The following ITGA4 variants were observed in gnomAD, a reference collection of about 807,000 sequenced individuals.
ITGA4 encodes the protein integrin subunit alpha 4, also known as integrin alpha-4.
Under a neutral mutation model 133.6 loss-of-function variants are expected in ITGA4, and 63 were observed. The ratio of observed to expected loss-of-function variants is 0.47; its 90% CI spans 0.38 to 0.58. The LOEUF (loss-of-function observed/expected upper bound fraction) is 0.58, where lower values mean the gene tolerates loss of function less well. Ranked by LOEUF, ITGA4 falls within the 20% of genes least tolerant of loss-of-function variation. The pLI is 0.00. For missense variants in ITGA4, 1,076 were observed against 1,252.7 expected, an observed-to-expected ratio of 0.86 and a Z score of 2.13; for synonymous variants, 483 against 438.0, an observed-to-expected ratio of 1.10 and a Z score of -1.28.
chr2:181,495,755 A>G lies in ITGA4; in HGVS notation c.1386-28A>G. The G allele has an allele frequency of 6.3e-7, 1 of 1,588,518 alleles. No homozygotes were observed. The highest frequency in any genetic ancestry group is 1.1e-5 in the South Asian group (1 of 87,578). The stretch of plus-strand genomic sequence containing the variant: ...CTTAAGGAAAAATAATTCTGCAATT[A>G]ACATTGCTACTTTTATTTCCTTCTC... On this transcript the variant is annotated intron_variant, in intron 13 of 27. Coordinates refer to ENST00000397033, the MANE Select transcript of ITGA4 (RefSeq NM_000885.6). The surrounding 1 kb of genome is among the most constrained non-coding windows in gnomAD (Gnocchi z 4.3).
At chr2:181,504,810 G>C (rs151097376) in intron 15 of ITGA4, among the ~76,000 whole-genome samples, 1 of 151,902 alleles carries the variant, frequency 6.6e-6, no homozygotes, top group African/African-American at 2.4e-5. Context: ...ATCTGAGAAT[G>C]TTCTATTGGT....
chr2:181,461,772 G>C (rs972681202), intron 2 of ITGA4, among the ~76,000 whole-genome samples: 1 of 152,036 alleles, frequency 6.6e-6, no homozygotes, highest in Non-Finnish European at 1.5e-5. Flanking sequence ...TCTCATTTGG[G>C]TAATAGTCTA....
At position 181,516,563 on chromosome 2, in the gene ITGA4, T is replaced by C. The variant is rs1407390429; in HGVS notation, c.1922+4788T>C. Among the ~76,000 whole-genome samples, 1 of 152,046 alleles carries C rather than the reference T, an allele frequency of 6.6e-6. No homozygotes were observed. The highest frequency in any genetic ancestry group is 1.5e-5 in the Non-Finnish European group (1 of 68,002). Reference sequence around the variant, plus strand: ...AGGAAGGGCAGTGCCTCATTTGATGTATTCTGATTAACCAGACGTGTGTTA... The same window carrying C: ...AGGAAGGGCAGTGCCTCATTTGATGCATTCTGATTAACCAGACGTGTGTTA... On this transcript the variant is annotated intron_variant, in intron 17 of 27. Coordinates refer to ENST00000397033, the MANE Select transcript of ITGA4 (RefSeq NM_000885.6). The surrounding 1 kb of genome is among the most constrained non-coding windows in gnomAD (Gnocchi z 4.0).
At chr2:181,457,924 C>T (rs1685167455) in intron 1 of ITGA4, 73 bp downstream of exon 1, 5 of 1,389,204 alleles carry the variant, frequency 3.6e-6, no homozygotes, top group East Asian at 2.4e-5. Flanking sequence ...GGATTCCCTG[C>T]CCGATTCAAA....
chr2:181,537,880 G>A lies in ITGA4; in HGVS notation c.*2353G>A, dbSNP rs1215754515. ...TTTGGCCACACAGCAGGAGGTTAGA[G>A]CAATGGAGCATTACTGAGTTCCTCC... On this transcript the variant is annotated 3_prime_UTR_variant, in exon 28 of 28. Coordinates refer to ENST00000397033, the MANE Select transcript of ITGA4 (RefSeq NM_000885.6). The A allele has an allele frequency of 1.8e-6, 1 of 541,228 alleles. No individual in the cohort carries two copies. The highest frequency in any genetic ancestry group is 1.5e-5 in the South Asian group (1 of 65,274). 33.5% of individuals were successfully genotyped at this position (541,228 alleles called of 1,614,324 possible).
At chr2:181,499,506 A>C (rs1252204932) in intron 15 of ITGA4, among the ~76,000 whole-genome samples, 1 of 152,180 alleles carries the variant, frequency 6.6e-6, no homozygotes, top group Non-Finnish European at 1.5e-5. Flanking sequence ...AAACCAAACT[A>C]TTCCCAGGAG....
chr2:181,490,409 C>T (rs1026239318), intron 10 of ITGA4, among the ~76,000 whole-genome samples: 2 of 151,506 alleles, frequency 1.3e-5, no homozygotes, highest in Non-Finnish European at 2.9e-5. Flanking sequence ...AAGATAATGA[C>T]ATCCCCCACC....
chr2:181,519,736 A>G (rs1686681076), intron 17 of ITGA4, among the ~76,000 whole-genome samples: 1 of 152,146 alleles, frequency 6.6e-6, no homozygotes, highest in Non-Finnish European at 1.5e-5. Flanking sequence ...CAATGTGGTA[A>G]TGCTAGATAT....
At chr2:181,471,011 G>A (rs973207242) in intron 2 of ITGA4, among the ~76,000 whole-genome samples, 1 of 152,164 alleles carries the variant, frequency 6.6e-6, no homozygotes, top group Non-Finnish European at 1.5e-5. Context: ...ATTGCTGTTG[G>A]GGGCTGCCTC....
At chr2:181,527,994 T>C (rs752665398) in intron 22 of ITGA4, among the ~76,000 whole-genome samples, 10 of 152,246 alleles carry the variant, frequency 6.6e-5, no homozygotes, top group Admixed American at 6.5e-5. Context: ...ATATTTTTAT[T>C]GTATCAAAGA....
chr2:181,478,750 A>G lies in ITGA4; in HGVS notation c.557-7A>G, dbSNP rs1214872559. 4 of 1,313,790 alleles carry G rather than the reference A, an allele frequency of 3.0e-6. No homozygotes were observed. Among genetic ancestry groups the G allele is most frequent in the Admixed American group, 2.2e-5 (1 of 45,158 alleles). The allele number at this position is 1,313,790 out of a possible 1,614,324, so 81.4% of individuals were successfully genotyped here. On this transcript the variant is annotated splice_region_variant and splice_polypyrimidine_tract_variant and intron_variant, in intron 4 of 27. Coordinates refer to ENST00000397033, the MANE Select transcript of ITGA4 (RefSeq NM_000885.6). ...AAATTCTGAGTTGTTTTAATATTTC[A>G]TTTTAGATTATGTGAAAAAATTTGG...
Position 181,538,105 on chromosome 2 carries a change from G to C in ITGA4, c.*2578G>C. 1.0e-6 allele frequency: 1 copy of C among 970,194 alleles called. No homozygotes were observed. The highest frequency in any genetic ancestry group is 1.3e-5 in the South Asian group (1 of 75,444). 60.1% of individuals were successfully genotyped at this position (970,194 alleles called of 1,614,324 possible). ...TGAAACTGGTCCCAAAAAGGGTGGGGACCACAGGTTTAAAGCATGGCCACA... is the reference window on the plus strand; with the variant it reads ...TGAAACTGGTCCCAAAAAGGGTGGGCACCACAGGTTTAAAGCATGGCCACA... On this transcript the variant is annotated 3_prime_UTR_variant, in exon 28 of 28. Coordinates refer to ENST00000397033, the MANE Select transcript of ITGA4 (RefSeq NM_000885.6).
chr2:181,529,508 T>C, intron 22 of ITGA4, 33 bp from the exon 23 acceptor site: 1 of 1,069,940 alleles, frequency 9.3e-7, no homozygotes, highest in Non-Finnish European at 1.4e-6. Context: ...TAGAAAACAT[T>C]TAATTTGTTA....
At chr2:181,496,907 C>T (rs1686169138) in intron 14 of ITGA4, among the ~76,000 whole-genome samples, 1 of 152,080 alleles carries the variant, frequency 6.6e-6, no homozygotes, top group South Asian at 2.1e-4. Context: ...TTAAATAATG[C>T]CATGGATATG....
intron 4 of ITGA4, among the ~76,000 whole-genome samples, chr2:181,477,499 C>CA (rs887191944): frequency 2.0e-5 from 3 of 152,038 alleles, no homozygotes; most frequent in Non-Finnish European, 1.5e-5. Flanking sequence ...AACTCGATAG[C>CA]AAAAAACCAA....
chr2:181,514,392 A>T (rs1407044803), intron 17 of ITGA4, among the ~76,000 whole-genome samples: 1 of 152,108 alleles, frequency 6.6e-6, no homozygotes, highest in East Asian at 1.9e-4. Flanking sequence ...ATGTCAGTTT[A>T]GCCTTGAGAG....
chr2:181,520,887 A>G (rs1365887664), intron 17 of ITGA4, among the ~76,000 whole-genome samples: 1 of 152,174 alleles, frequency 6.6e-6, no homozygotes, highest in African/African-American at 2.4e-5. Flanking sequence ...GTAATAATTA[A>G]AAGCAGAAAT....
Position 181,498,778 on chromosome 2 carries a change from G to A in ITGA4, c.1695+1G>A. ...TAGAACACATCAAGCATTTATGCGGGTAATGTAAGCTATTTTTTATTAATG... is the reference window on the plus strand; with the variant it reads ...TAGAACACATCAAGCATTTATGCGGATAATGTAAGCTATTTTTTATTAATG... On this transcript the variant is annotated splice_donor_variant, in intron 15 of 27. Transcript: ENST00000397033. LOFTEE classifies it high-confidence loss of function. The A allele has an allele frequency of 6.3e-7, 1 of 1,587,030 alleles. No homozygotes were observed.
In ITGA4 at chr2:181,482,646, G is replaced by C; in HGVS notation, c.1036G>C (p.Gly346Arg). 1.2e-6 allele frequency: 2 copies of C among 1,613,352 alleles called. No homozygotes were observed. The highest frequency in any genetic ancestry group is 1.7e-6 in the Non-Finnish European group (2 of 1,179,536). Residue 346 changes from glycine (G) to arginine (R), a missense_variant, in exon 9 of 28, where the codon GGC becomes CGC. Gly to Arg is a moderately radical substitution (Grantham distance 125, BLOSUM62 -2). Coordinates refer to ENST00000397033, the MANE Select transcript of ITGA4 (RefSeq NM_000885.6). ...AAGAGTGTTTGTGTACATCAACTCTGGCTCGGTATGTCCAAGTGCCCCAAC... is the reference window on the plus strand; with the variant it reads ...AAGAGTGTTTGTGTACATCAACTCTCGCTCGGTATGTCCAAGTGCCCCAAC... ...EGRVFVYINSGSGAVMNAMET... is the reference protein window; with the variant it reads ...EGRVFVYINSRSGAVMNAMET...
Sources: allele counts gnomAD v4.1 joint callset (sites outside exome capture counted in the v4.1 genomes callset), GRCh38; gene constraint gnomAD v4.1.1; non-coding constraint Gnocchi (gnomAD v3.1); transcripts MANE v1.5; gene names NCBI Gene and HGNC (gene_info 2026-07-23, HGNC 2026-07-21).